The following ADGRB3 variants were observed in gnomAD, a reference collection of about 807,000 sequenced individuals.
ADGRB3 encodes adhesion G protein-coupled receptor B3.
Under a neutral mutation model 193.4 loss-of-function variants are expected in ADGRB3, and 37 were observed. The observed-to-expected ratio is 0.19, with a 90% CI of 0.15 to 0.25. The LOEUF (loss-of-function observed/expected upper bound fraction) is 0.25, where lower values mean the gene tolerates loss of function less well. ADGRB3 is among the 10% of genes least tolerant of loss of function. ADGRB3 has a pLI of 1.00. For missense variants in ADGRB3, 1,637 were observed against 1,852.9 expected (o/e 0.88, Z 2.14); for synonymous variants, 690 against 644.2 (o/e 1.07, Z -1.08).
At chr6:69,277,891 A>C (rs577368898) in intron 20 of ADGRB3, among the ~76,000 whole-genome samples, 1 of 152,320 alleles carries the variant, frequency 6.6e-6, no homozygotes, top group African/African-American at 2.4e-5. Context: ...ATATACTACA[A>C]GTGAAATGCT....
At chr6:69,196,198 G>C (rs1329953396) in intron 17 of ADGRB3, among the ~76,000 whole-genome samples, 1 of 152,018 alleles carries the variant, frequency 6.6e-6, no homozygotes, top group Non-Finnish European at 1.5e-5. Flanking sequence ...GGTACATAAA[G>C]TCATATATTT....
At chr6:68,640,655 A>G (rs1768064519) in intron 3 of ADGRB3, among the ~76,000 whole-genome samples, 1 of 152,196 alleles carries the variant, frequency 6.6e-6, no homozygotes, top group African/African-American at 2.4e-5. Flanking sequence ...AACCAACAGA[A>G]GTTGTCTTTG....
At chr6:69,147,867 T>G (rs1482366669) in intron 17 of ADGRB3, among the ~76,000 whole-genome samples, 1 of 152,214 alleles carries the variant, frequency 6.6e-6, no homozygotes, top group Non-Finnish European at 1.5e-5. Flanking sequence ...ATCTTCCTAT[T>G]GAGTTGTACC....
chr6:69,131,141 T>C (rs1024054815), intron 17 of ADGRB3, among the ~76,000 whole-genome samples: 2 of 152,040 alleles, frequency 1.3e-5, no homozygotes, highest in African/African-American at 2.4e-5. Context: ...AAAAAGAATG[T>C]TCAACTCAAT....
chr6:68,937,066 A>G (rs1215929446), intron 5 of ADGRB3, among the ~76,000 whole-genome samples: 1 of 152,230 alleles, frequency 6.6e-6, no homozygotes, highest in Non-Finnish European at 1.5e-5. Context: ...AGTGGTTGAC[A>G]TAGTCTGTCA....
chr6:69,054,858 G>T (rs540739437), intron 15 of ADGRB3, among the ~76,000 whole-genome samples: 1 of 152,158 alleles, frequency 6.6e-6, no homozygotes, highest in Admixed American at 6.5e-5. Context: ...AAGATATTCA[G>T]CTTTAAAATT....
chr6:69,026,603 A>C (rs981236908), intron 13 of ADGRB3, among the ~76,000 whole-genome samples: 1 of 152,216 alleles, frequency 6.6e-6, no homozygotes, highest in Admixed American at 6.5e-5. Context: ...AAGGGGATAC[A>C]TCCTAAGAAA....
At chr6:69,145,805 C>T (rs314218) in intron 17 of ADGRB3, among the ~76,000 whole-genome samples, 24,124 of 151,720 alleles carry the variant, frequency 0.16, 2,124 homozygotes, top group African/African-American at 0.19. Flanking sequence ...CTGACATCTG[C>T]TTAGCTCTCA....
At chr6:69,012,510 C>T (rs1348829424) in intron 11 of ADGRB3, among the ~76,000 whole-genome samples, 1 of 151,818 alleles carries the variant, frequency 6.6e-6, no homozygotes, top group Non-Finnish European at 1.5e-5. Flanking sequence ...TGGACTAAGC[C>T]CTTCAAATGT....
intron 3 of ADGRB3, among the ~76,000 whole-genome samples, chr6:68,744,545 T>C (rs1766044632): frequency 6.6e-6 from 1 of 152,174 alleles, no homozygotes; most frequent in Non-Finnish European, 1.5e-5. Context: ...CACCGTGGAA[T>C]ACTATGCAGC....
intron 17 of ADGRB3, among the ~76,000 whole-genome samples, chr6:69,090,185 A>G (rs533142567): frequency 2.0e-5 from 3 of 152,280 alleles, no homozygotes; most frequent in African/African-American, 7.2e-5. Flanking sequence ...TGTAACCTTA[A>G]TATTACATGT....
At chr6:68,829,186 G>A (rs1197562626) in intron 3 of ADGRB3, among the ~76,000 whole-genome samples, 3 of 139,450 alleles carry the variant, frequency 2.2e-5, no homozygotes, top group Non-Finnish European at 4.5e-5. Context: ...TGAAACCTCT[G>A]CCTCCTGGAT....
At chr6:69,323,760 C>T (rs542483949) in intron 20 of ADGRB3, among the ~76,000 whole-genome samples, 10 of 152,046 alleles carry the variant, frequency 6.6e-5, no homozygotes, top group Non-Finnish European at 1.3e-4. Context: ...GAAGAACTGG[C>T]GAACTAAGTC....
chr6:69,237,181 G>T (rs920904127), intron 19 of ADGRB3, among the ~76,000 whole-genome samples: 8 of 151,908 alleles, frequency 5.3e-5, no homozygotes, highest in African/African-American at 1.9e-4. Flanking sequence ...TACATGTAGG[G>T]TATATATTGT....
At chr6:68,787,366 G>A (rs188964604) in intron 3 of ADGRB3, among the ~76,000 whole-genome samples, 201 of 152,262 alleles carry the variant, frequency 1.3e-3, no homozygotes, top group Middle Eastern at 3.4e-3. Flanking sequence ...AGCATGAAGC[G>A]TTGTTGAATT....
At chr6:68,705,143 C>T (rs553315824) in intron 3 of ADGRB3, among the ~76,000 whole-genome samples, 4 of 152,122 alleles carry the variant, frequency 2.6e-5, no homozygotes, top group African/African-American at 9.7e-5. Context: ...TAGTCATTCC[C>T]TTCCCTCTAG....
At chr6:68,877,940 A>C (rs1364752031) in intron 3 of ADGRB3, among the ~76,000 whole-genome samples, 1 of 152,106 alleles carries the variant, frequency 6.6e-6, no homozygotes, top group African/African-American at 2.4e-5. Context: ...AATCAAGATC[A>C]GGCCATATAT....
intron 30 of ADGRB3, among the ~76,000 whole-genome samples, chr6:69,376,980 C>T (rs187895498): frequency 2.2e-4 from 33 of 152,092 alleles, no homozygotes; most frequent in Admixed American, 6.6e-4. Context: ...TAAACTCTGG[C>T]ATCATATTTA....
chr6:69,297,798 T>C lies in ADGRB3; in HGVS notation c.2815-27074T>C, dbSNP rs181401695. ...TTTTGATTATGATACATGTTTTATA[T>C]AAGAAAAATACATTTAAAATTGATC... On this transcript the variant is annotated intron_variant, in intron 20 of 31. Transcript: ENST00000370598. 2.9e-3 allele frequency among the ~76,000 whole-genome samples: 448 copies of C among 152,142 alleles called. 4 individuals carry two copies. Among genetic ancestry groups the C allele is most frequent in the African/African-American group, 0.01 (429 of 41,542 alleles).
Sources: allele counts gnomAD v4.1 joint callset (sites outside exome capture counted in the v4.1 genomes callset), GRCh38; gene constraint gnomAD v4.1.1; transcripts MANE v1.5; gene names NCBI Gene and HGNC (gene_info 2026-07-23, HGNC 2026-07-21).